CHRM3: variants seen among roughly 807,000 people sequenced by gnomAD.
The protein encoded by CHRM3 is cholinergic receptor muscarinic 3.
In CHRM3, 11 loss-of-function variants were observed where a neutral mutation model predicts 41.8. That is an observed-to-expected ratio of 0.26 (90% confidence interval 0.17 to 0.44). The LOEUF is 0.44. CHRM3 is among the 20% of genes least tolerant of loss of function. CHRM3 has a pLI of 1.00. For synonymous variants in CHRM3, 297 were observed against 301.4 expected, an observed-to-expected ratio of 0.99 and a Z score of 0.15; for missense variants, 571 against 745.4, an observed-to-expected ratio of 0.77 and a Z score of 2.72.
intron 2 of CHRM3, among the ~76,000 whole-genome samples, chr1:239,500,929 A>T (rs1668202317): frequency 6.6e-6 from 1 of 152,238 alleles, no homozygotes; most frequent in Non-Finnish European, 1.5e-5. Context: ...AAAAGGGTGC[A>T]AAAGGCATTT....
chr1:239,800,609 C>T (rs532376400), intron 5 of CHRM3, among the ~76,000 whole-genome samples: 186 of 152,308 alleles, frequency 1.2e-3, no homozygotes, highest in African/African-American at 4.2e-3. Context: ...ATTCTTACAA[C>T]GTCCAAGTCC....
At chr1:239,834,768 C>G (rs945445953) in intron 6 of CHRM3, among the ~76,000 whole-genome samples, 2 of 152,100 alleles carry the variant, frequency 1.3e-5, no homozygotes, top group African/African-American at 4.8e-5. Context: ...CCTCCACCAA[C>G]TAGGTTGAAA....
At chr1:239,847,103 A>G (rs12088078) in intron 6 of CHRM3, among the ~76,000 whole-genome samples, 47 of 152,188 alleles carry the variant, frequency 3.1e-4, no homozygotes, top group African/African-American at 1.1e-3. Flanking sequence ...ATCATCTAAT[A>G]TGGCTGCTGG....
At chr1:239,412,441 G>A (rs912972551) in intron 1 of CHRM3, among the ~76,000 whole-genome samples, 24 of 145,668 alleles carry the variant, frequency 1.6e-4, no homozygotes, top group African/African-American at 5.6e-4. Context: ...TATAGCGATA[G>A]TCTTGGGGTT....
At chr1:239,716,696 A>G (rs1035157279) in intron 5 of CHRM3, among the ~76,000 whole-genome samples, 6 of 152,100 alleles carry the variant, frequency 3.9e-5, no homozygotes, top group South Asian at 2.1e-4. Context: ...AGAATTAAAA[A>G]AAGAAGAGGA....
chr1:239,607,814 AT>A (rs1434050846), intron 3 of CHRM3, among the ~76,000 whole-genome samples: 5 of 152,142 alleles, frequency 3.3e-5, no homozygotes, highest in African/African-American at 1.2e-4. Context: ...GTGGGCTATA[AT>A]ACTTTAACAT....
At chr1:239,428,171 G>C (rs528309691) in intron 1 of CHRM3, among the ~76,000 whole-genome samples, 5 of 152,168 alleles carry the variant, frequency 3.3e-5, no homozygotes, top group Admixed American at 1.3e-4. Flanking sequence ...AAGCCACCAT[G>C]ACATTATCCA....
At chr1:239,465,089 C>A (rs1277584396) in intron 1 of CHRM3, among the ~76,000 whole-genome samples, 1 of 152,042 alleles carries the variant, frequency 6.6e-6, no homozygotes, top group African/African-American at 2.4e-5. Flanking sequence ...GTGTAAATGT[C>A]TAATAATAAG....
intron 5 of CHRM3, chr1:239,704,216 G>T (rs766807616): frequency 6.6e-6 from 1 of 152,172 alleles, no homozygotes; most frequent in African/African-American, 2.4e-5. Flanking sequence ...AGATCTGCAC[G>T]TAGGAATCAA....
At chr1:239,504,522 TACA>T (rs1668438806) in intron 2 of CHRM3, among the ~76,000 whole-genome samples, 2 of 152,138 alleles carry the variant, frequency 1.3e-5, no homozygotes, top group African/African-American at 4.8e-5. Context: ...CTTAAAGAAC[TACA>T]AGTAGAACTC....
chr1:239,517,866 G>A (rs916349184), intron 2 of CHRM3, among the ~76,000 whole-genome samples: 1 of 152,202 alleles, frequency 6.6e-6, no homozygotes, highest in Non-Finnish European at 1.5e-5. Context: ...CCAGCACTTT[G>A]AGAGGCTGAG....
At chr1:239,497,669 G>A (rs1313469249) in intron 2 of CHRM3, among the ~76,000 whole-genome samples, 1 of 152,202 alleles carries the variant, frequency 6.6e-6, no homozygotes, top group Non-Finnish European at 1.5e-5. Flanking sequence ...GAGGTAAAAT[G>A]AAGTATAAAG....
At chr1:239,630,392 A>G (rs556618102) in intron 3 of CHRM3, among the ~76,000 whole-genome samples, 10 of 152,224 alleles carry the variant, frequency 6.6e-5, no homozygotes, top group Non-Finnish European at 1.0e-4. Context: ...CTGAGCAACT[A>G]CTATGCACAA....
intron 5 of CHRM3, among the ~76,000 whole-genome samples, chr1:239,757,498 C>T (rs1018642718): frequency 3.3e-5 from 5 of 151,986 alleles, no homozygotes; most frequent in African/African-American, 7.2e-5. Context: ...GGCGTGGTGG[C>T]GAGCCCCTGT....
At chr1:239,776,576 TGAAAA>T (rs1014697446) in intron 5 of CHRM3, among the ~76,000 whole-genome samples, 1 of 151,846 alleles carries the variant, frequency 6.6e-6, no homozygotes, top group African/African-American at 2.4e-5. Flanking sequence ...AACAAAGAGA[TGAAAA>T]GAAAAGAAGG....
intron 1 of CHRM3, among the ~76,000 whole-genome samples, chr1:239,455,016 TTACTA>T (rs1357917376): frequency 5.9e-5 from 9 of 152,310 alleles, no homozygotes; most frequent in East Asian, 1.9e-4. Flanking sequence ...ACTTATGTAT[TTACTA>T]TACTATATGT....
At chr1:239,867,294 G>C (rs776594890) in intron 6 of CHRM3, among the ~76,000 whole-genome samples, 5 of 152,250 alleles carry the variant, frequency 3.3e-5, no homozygotes, top group Non-Finnish European at 7.3e-5. Flanking sequence ...CCAGTGTTCT[G>C]TGGGTATATG....
In CHRM3 at chr1:239,404,214, A is replaced by G. The variant is rs111676575; in HGVS notation, c.-521+16987A>G. ...TGAGGCAGGAGAATGGCGTGAACCC[A>G]GGAGGCAGAGCTTGCAGTGAGCCGA... is the stretch of plus-strand genomic sequence containing the variant. On this transcript the variant is annotated intron_variant, in intron 1 of 6. Transcript: ENST00000676153. Among the ~76,000 whole-genome samples the G allele has an allele frequency of 4.0e-3, 600 of 150,272 alleles. 2 individuals carry two copies. Among genetic ancestry groups the G allele is most frequent in the African/African-American group, 0.014 (571 of 40,794 alleles).
chr1:239,795,461 A>G (rs1042474785), intron 5 of CHRM3, among the ~76,000 whole-genome samples: 9 of 152,148 alleles, frequency 5.9e-5, no homozygotes, highest in African/African-American at 1.7e-4. Flanking sequence ...TTAGCACCTC[A>G]GTGTCTCTGA....
Sources: allele counts gnomAD v4.1 joint callset (sites outside exome capture counted in the v4.1 genomes callset), GRCh38; gene constraint gnomAD v4.1.1; transcripts MANE v1.5; gene names NCBI Gene and HGNC (gene_info 2026-07-23, HGNC 2026-07-21).